The following RPGR variants were observed in gnomAD, a reference collection of about 807,000 sequenced individuals.
RPGR encodes X-linked retinitis pigmentosa GTPase regulator.
RPGR carries 10 observed loss-of-function variants against 56.3 expected under a neutral mutation model. The observed-to-expected ratio is 0.18, with a 90% CI of 0.11 to 0.30. The LOEUF (loss-of-function observed/expected upper bound fraction) is 0.30. RPGR is among the 10% of genes least tolerant of loss of function. RPGR has a pLI of 1.00. For synonymous variants in RPGR, 197 were observed against 212.9 expected (o/e 0.93, Z 0.65); for missense variants, 538 against 590.9 (o/e 0.91, Z 0.93).
At chrX:38,290,835 T>C in intron 13 of RPGR, 124 bp downstream of exon 13, 2 of 247,923 alleles carry the variant, frequency 8.1e-6, no homozygotes, top group Non-Finnish European at 1.6e-5. Context: ...ATTGTATCCC[T>C]CTGTCTTTTA....
chrX:38,285,268 T>A, intron 15 of RPGR: 1 of 996,777 alleles, frequency 1.0e-6, no homozygotes. Context: ...TATATAATGT[T>A]AATAATCTGA....
chrX:38,288,871 T>A (rs761881886), intron 13 of RPGR, among the ~76,000 whole-genome samples: 12 of 110,649 alleles, frequency 1.1e-4, no homozygotes, highest in African/African-American at 3.3e-4. Context: ...AGCCTCTGCC[T>A]CCTGGGTTCC....
At chrX:38,294,861 C>T (rs1291664602) in intron 11 of RPGR, among the ~76,000 whole-genome samples, 1 of 111,674 alleles carries the variant, frequency 9.0e-6, no homozygotes, top group African/African-American at 3.3e-5. Flanking sequence ...TCTCCATCTC[C>T]ACTGCAAACA....
intron 13 of RPGR, among the ~76,000 whole-genome samples, chrX:38,288,723 C>G (rs1178931630): frequency 8.9e-6 from 1 of 111,948 alleles, no homozygotes; most frequent in Non-Finnish European, 1.9e-5. Flanking sequence ...AAAATGTACA[C>G]TTTTCTTATA....
At chrX:38,293,964 CA>C (rs1012827635) in intron 11 of RPGR, among the ~76,000 whole-genome samples, 4 of 111,267 alleles carry the variant, frequency 3.6e-5, no homozygotes, top group African/African-American at 1.3e-4. Flanking sequence ...GCTGCCAGAC[CA>C]TTTCTCTGCT....
At chrX:38,283,388 A>G (rs2067066958) in intron 15 of RPGR, among the ~76,000 whole-genome samples, 1 of 112,052 alleles carries the variant, frequency 8.9e-6, no homozygotes, top group African/African-American at 3.2e-5. Context: ...TCTGGGTGTG[A>G]CAGAGCTCTA....
intron 8 of RPGR, among the ~76,000 whole-genome samples, chrX:38,301,938 G>A (rs1453601075): frequency 1.8e-5 from 2 of 111,471 alleles, no homozygotes; most frequent in African/African-American, 3.3e-5. Flanking sequence ...GTCTCCAAAC[G>A]TTGTCATGTG....
At chrX:38,272,206 A>T (rs1031144880) in intron 18 of RPGR, 1 of 111,739 alleles carries the variant, frequency 8.9e-6, no homozygotes, top group Non-Finnish European at 1.9e-5. Flanking sequence ...AAAATATTCA[A>T]ATATATAATG....
At position 38,287,878 on chromosome X, in the gene RPGR, A is replaced by C. The variant is rs745734739; in HGVS notation, c.1736T>G (p.Phe579Cys). ...GTCATTACCTACTTCCTCATCTGAA[A>C]ATGCTTCGATAGTCGTAGCTGGCTG... Residue 579 changes from phenylalanine (F) to cysteine (C), a missense_variant, in exon 14 of 19, where the codon TTT becomes TGT. Physicochemically the swap from Phe to Cys is radical, Grantham distance 205. Coordinates refer to ENST00000642395, the MANE Select transcript of RPGR (RefSeq NM_000328.3). 8.3e-7 allele frequency: 1 copy of C among 1,210,563 alleles called. No homozygotes were observed. The highest frequency in any genetic ancestry group is 1.8e-5 in the South Asian group (1 of 56,837).
At chrX:38,290,012 C>T (rs191060939) in intron 13 of RPGR, among the ~76,000 whole-genome samples, 8 of 111,959 alleles carry the variant, frequency 7.1e-5, no homozygotes, top group African/African-American at 1.9e-4. Flanking sequence ...TGAGCTTCTA[C>T]AACTGTGTTC....
At chrX:38,287,000 C>G in intron 15 of RPGR, 1 of 1,210,328 alleles carries the variant, frequency 8.3e-7, no homozygotes, top group South Asian at 1.8e-5. Context: ...TGCCAGTGTT[C>G]TGCTCCTGAA....
chrX:38,324,357 C>T lies in RPGR; in HGVS notation c.29-833G>A, dbSNP rs181905968. Among the ~76,000 whole-genome samples, 375 of 111,249 alleles carry T rather than the reference C, an allele frequency of 3.4e-3. 1 individual carries two copies. Among genetic ancestry groups the T allele is most frequent in the African/African-American group, 0.012 (358 of 30,551 alleles). ...AACTCCTGGGCTCCTGCCTCGGCCT[C>T]CCTAAGTGCTGGGATTGCAGGCGTG... On this transcript the variant is annotated intron_variant, in intron 1 of 18. Transcript: ENST00000642395.
At chrX:38,284,564 G>T (rs1601915480) in intron 15 of RPGR, 6 of 750,872 alleles carry the variant, frequency 8.0e-6, no homozygotes, top group Non-Finnish European at 9.4e-6. Flanking sequence ...TAGGAGTTTA[G>T]AAATAAAAAA....
intron 3 of RPGR, among the ~76,000 whole-genome samples, chrX:38,322,554 T>C (rs1040234939): frequency 1.2e-4 from 14 of 112,265 alleles, no homozygotes; most frequent in Non-Finnish European, 2.4e-4. Flanking sequence ...AACAGTAATA[T>C]GTAAGTAGTT....
rs767024731 is a variant in RPGR at position 38,304,806 on chromosome X, C to A, written c.779-16G>T. 71 of 1,199,589 alleles carry A rather than the reference C, an allele frequency of 5.9e-5. No homozygotes were observed. In the Middle Eastern group the frequency reaches 6.9e-4, roughly 12 times the overall value. ...ACAGCATTCTCTGAAAGGAAAGGGG[C>A]AAATACAAGACAAGGATTATGGAAG... On this transcript the variant is annotated splice_polypyrimidine_tract_variant and intron_variant, in intron 7 of 18. Coordinates refer to ENST00000642395, the MANE Select transcript of RPGR (RefSeq NM_000328.3).
At chrX:38,296,789 T>C (rs1047164317) in intron 11 of RPGR, among the ~76,000 whole-genome samples, 1 of 111,793 alleles carries the variant, frequency 8.9e-6, no homozygotes, top group African/African-American at 3.3e-5. Flanking sequence ...AAACTGGCTT[T>C]TGACCCCAGT....
chrX:38,314,290 AAAAAT>A (rs1270860243), intron 6 of RPGR, among the ~76,000 whole-genome samples: 2 of 111,750 alleles, frequency 1.8e-5, no homozygotes, highest in Non-Finnish European at 3.8e-5. Flanking sequence ...TTTATATATA[AAAAAT>A]AAAATAACAT....
chrX:38,291,387 C>G lies in RPGR; in HGVS notation c.1506+6G>C, dbSNP rs1464455035. 1.9e-6 allele frequency: 2 copies of G among 1,058,740 alleles called. No individual in the cohort carries two copies. Among genetic ancestry groups the G allele is most frequent in the Middle Eastern group, 5.1e-4 (2 of 3,955 alleles). The allele number at this position is 1,058,740 out of a possible 1,213,427, so 87.3% of individuals were successfully genotyped here. On this transcript the variant is annotated splice_donor_region_variant and intron_variant, in intron 12 of 18. Coordinates refer to ENST00000642395, the MANE Select transcript of RPGR (RefSeq NM_000328.3). ...ATATTTAGATAAATAGATAGGAAATCATTACCATGTTTAAGATATCAGTAG... is the reference window on the plus strand; with the variant it reads ...ATATTTAGATAAATAGATAGGAAATGATTACCATGTTTAAGATATCAGTAG...
chrX:38,307,028 T>G (rs1278777167), intron 7 of RPGR, among the ~76,000 whole-genome samples: 1 of 112,964 alleles, frequency 8.9e-6, no homozygotes, highest in African/African-American at 3.2e-5. Context: ...AGATTAATAT[T>G]ACTGTAATTT....
Sources: gnomAD v4.1 joint callset for allele counts (sites outside exome capture counted in the v4.1 genomes callset) on GRCh38, gnomAD v4.1.1 for gene constraint, MANE v1.5 for transcripts, NCBI Gene and HGNC (gene_info 2026-07-23, HGNC 2026-07-21) for gene names.